The following SEMA3E variants were observed in gnomAD, a reference collection of about 807,000 sequenced individuals.
The protein encoded by SEMA3E is semaphorin-3E.
Under a neutral mutation model 93.6 loss-of-function variants are expected in SEMA3E, and 49 were observed. That is an observed-to-expected ratio of 0.52 (90% CI 0.42 to 0.66). The LOEUF (loss-of-function observed/expected upper bound fraction) is 0.66, where lower values mean the gene tolerates loss of function less well. Among genes scored for constraint, SEMA3E ranks in the 30% least tolerant of loss-of-function variants. The pLI is 0.00. For missense variants in SEMA3E, 906 were observed against 964.8 expected, an observed-to-expected ratio of 0.94 and a Z score of 0.81; for synonymous variants, 363 against 330.7, an observed-to-expected ratio of 1.10 and a Z score of -1.06.
At position 83,638,980 on chromosome 7, in the gene SEMA3E, G is replaced by A. The variant is rs570452349; in HGVS notation, c.115+9448C>T. Among the ~76,000 whole-genome samples the A allele has an allele frequency of 5.5e-3, 829 of 150,020 alleles. 5 individuals carry two copies. Among genetic ancestry groups the A allele is most frequent in the Middle Eastern group, 0.01 (3 of 286 alleles). On this transcript the variant is annotated intron_variant, in intron 1 of 16. Coordinates refer to ENST00000643230, the MANE Select transcript of SEMA3E (RefSeq NM_012431.3). ...CAAAAAATTAGCCGGGCGTAGTGGCGGGCGCCTGTAGTCCCAGCTACTTGG... is the reference window on the plus strand; with the variant it reads ...CAAAAAATTAGCCGGGCGTAGTGGCAGGCGCCTGTAGTCCCAGCTACTTGG...
chr7:83,565,941 C>T (rs1262890826), intron 1 of SEMA3E, among the ~76,000 whole-genome samples: 1 of 150,948 alleles, frequency 6.6e-6, no homozygotes. Context: ...TTTTACAACA[C>T]ATATAAAAAT....
chr7:83,451,842 C>A (rs1346238084), intron 4 of SEMA3E, among the ~76,000 whole-genome samples: 2 of 152,180 alleles, frequency 1.3e-5, no homozygotes, highest in Non-Finnish European at 2.9e-5. Flanking sequence ...CAAAGCACAT[C>A]TGTGAGCTGA....
At chr7:83,454,029 C>T (rs1346117048) in intron 4 of SEMA3E, among the ~76,000 whole-genome samples, 7 of 151,288 alleles carry the variant, frequency 4.6e-5, no homozygotes, top group Non-Finnish European at 7.4e-5. Flanking sequence ...GAGGCCGAGG[C>T]GGGTGGATCA....
intron 4 of SEMA3E, among the ~76,000 whole-genome samples, chr7:83,422,100 C>G (rs948642138): frequency 1.3e-5 from 2 of 152,162 alleles, no homozygotes; most frequent in African/African-American, 4.8e-5. Flanking sequence ...TCGCTTGAAC[C>G]TGGGAGGTGG....
intron 1 of SEMA3E, among the ~76,000 whole-genome samples, chr7:83,587,522 T>C (rs192676159): frequency 2.6e-5 from 4 of 152,186 alleles, no homozygotes; most frequent in African/African-American, 9.6e-5. Flanking sequence ...TGCTTTCCTC[T>C]AAAAATAAAC....
intron 4 of SEMA3E, among the ~76,000 whole-genome samples, chr7:83,427,001 CAT>C (rs137975764): frequency 4.6e-5 from 7 of 152,114 alleles, no homozygotes; most frequent in Non-Finnish European, 1.0e-4. Context: ...TTTAACATAA[CAT>C]AGTGTGACAT....
At chr7:83,526,083 G>T (rs563927140) in intron 1 of SEMA3E, among the ~76,000 whole-genome samples, 13 of 152,168 alleles carry the variant, frequency 8.5e-5, no homozygotes, top group African/African-American at 3.1e-4. Flanking sequence ...AAGAAGGCTA[G>T]GTGGCTCTCA....
At chr7:83,622,538 C>A (rs889130257) in intron 1 of SEMA3E, among the ~76,000 whole-genome samples, 6 of 152,058 alleles carry the variant, frequency 3.9e-5, no homozygotes, top group African/African-American at 1.4e-4. Flanking sequence ...CACATATGTT[C>A]ATTGCAGCAA....
rs527764965 is a variant in SEMA3E, at chr7:83,588,908, A to T, written c.115+59520T>A. On this transcript the variant is annotated intron_variant, in intron 1 of 16. Coordinates refer to ENST00000643230, the MANE Select transcript of SEMA3E (RefSeq NM_012431.3). The stretch of plus-strand genomic sequence containing the variant: ...TCAGCTATAGCATGCTGCTCCTTAG[A>T]TGCCCCCAAGAAAGGCTGAAAAGCT... Among the ~76,000 whole-genome samples, 5 of 152,064 alleles carry T rather than the reference A, an allele frequency of 3.3e-5. No individual in the cohort carries two copies. In the East Asian group the frequency reaches 9.7e-4, roughly 29 times the overall value.
intron 2 of SEMA3E, among the ~76,000 whole-genome samples, chr7:83,474,828 C>G (rs887353237): frequency 6.6e-6 from 1 of 152,100 alleles, no homozygotes; most frequent in African/African-American, 2.4e-5. Context: ...GAAAATCATT[C>G]TCAAACTGAC....
At chr7:83,591,106 C>CAA (rs202162169) in intron 1 of SEMA3E, among the ~76,000 whole-genome samples, 29,750 of 114,128 alleles carry the variant, frequency 0.26, 3,357 homozygotes, top group Admixed American at 0.32. Flanking sequence ...GAGTTATTTG[C>CAA]AAAAAAAAAA....
chr7:83,490,295 T>C, intron 1 of SEMA3E, 21 bp from the exon 2 acceptor site: 1 of 1,608,954 alleles, frequency 6.2e-7, no homozygotes, highest in Non-Finnish European at 8.5e-7. Context: ...AAGTGATACA[T>C]ACACTAAGCA....
intron 4 of SEMA3E, among the ~76,000 whole-genome samples, chr7:83,421,429 C>T (rs886736885): frequency 7.1e-6 from 1 of 141,570 alleles, no homozygotes; most frequent in African/African-American, 2.5e-5. Flanking sequence ...TTTCAAAATT[C>T]TCATTAAAGG....
At chr7:83,465,184 C>T (rs1346060603) in intron 4 of SEMA3E, among the ~76,000 whole-genome samples, 1 of 152,014 alleles carries the variant, frequency 6.6e-6, no homozygotes, top group Non-Finnish European at 1.5e-5. Context: ...CCTTGCGACC[C>T]CCACTCCTGC....
intron 1 of SEMA3E, among the ~76,000 whole-genome samples, chr7:83,632,665 G>A (rs1793809910): frequency 6.6e-6 from 1 of 152,232 alleles, no homozygotes; most frequent in South Asian, 2.1e-4. Context: ...TCAGGTATGA[G>A]TTTATCAGCA....
At chr7:83,577,844 T>A (rs1792439181) in intron 1 of SEMA3E, among the ~76,000 whole-genome samples, 1 of 152,066 alleles carries the variant, frequency 6.6e-6, no homozygotes, top group Non-Finnish European at 1.5e-5. Flanking sequence ...TTATTTTTCA[T>A]AGTTATCATA....
intron 1 of SEMA3E, among the ~76,000 whole-genome samples, chr7:83,548,008 C>A (rs1026135011): frequency 6.6e-6 from 1 of 152,096 alleles, no homozygotes; most frequent in Non-Finnish European, 1.5e-5. Flanking sequence ...AGTAGAATAT[C>A]CTCTTCCATA....
At chr7:83,555,516 A>G (rs1584328570) in intron 1 of SEMA3E, among the ~76,000 whole-genome samples, 3 of 152,198 alleles carry the variant, frequency 2.0e-5, no homozygotes, top group African/African-American at 7.2e-5. Context: ...TATGCTATTC[A>G]TCTACGACTT....
intron 14 of SEMA3E, among the ~76,000 whole-genome samples, chr7:83,391,100 C>G (rs987746270): frequency 6.6e-6 from 1 of 152,138 alleles, no homozygotes; most frequent in Non-Finnish European, 1.5e-5. Context: ...TATTTCACTC[C>G]TGACCCATGG....
Sources: gnomAD v4.1 joint callset for allele counts (sites outside exome capture counted in the v4.1 genomes callset) on GRCh38, gnomAD v4.1.1 for gene constraint, MANE v1.5 for transcripts, NCBI Gene and HGNC (gene_info 2026-07-23, HGNC 2026-07-21) for gene names.